The following PTPRG variants were observed in gnomAD, a reference collection of about 807,000 sequenced individuals.
PTPRG encodes receptor-type tyrosine-protein phosphatase gamma.
A neutral mutation model predicts 165.3 loss-of-function variants in PTPRG; 102 were observed. The observed-to-expected ratio is 0.62, with a 90% confidence interval of 0.53 to 0.73. PTPRG has a LOEUF of 0.73. Among genes scored for constraint, PTPRG ranks in the 30% least tolerant of loss-of-function variants. PTPRG has a pLI of 0.00. For synonymous variants in PTPRG, 675 were observed against 669.5 expected, an observed-to-expected ratio of 1.01 and a Z score of -0.13; for missense variants, 1,866 against 1,861.4, an observed-to-expected ratio of 1.00 and a Z score of -0.05.
At chr3:61,672,822 A>C (rs1440843944) in intron 1 of PTPRG, among the ~76,000 whole-genome samples, 1 of 142,316 alleles carries the variant, frequency 7.0e-6, no homozygotes, top group Non-Finnish European at 1.5e-5. Flanking sequence ...GGAGAGAGAG[A>C]GGGAGAGGGA....
Position 61,894,294 on chromosome 3 carries a change from T to A in PTPRG, c.191-95331T>A, listed in dbSNP as rs1328323521. On this transcript the variant is annotated intron_variant, in intron 2 of 29. Coordinates refer to ENST00000474889, the MANE Select transcript of PTPRG (RefSeq NM_002841.4). ...TCCAGCCCGGGCAACAGAGCAAGAC[T>A]CTGTGTCAAAAAAAAAAAAAAAAAA... Among the ~76,000 whole-genome samples, 20 of 80,006 alleles carry A rather than the reference T, an allele frequency of 2.5e-4. No individual in the cohort carries two copies. In the East Asian group the frequency reaches 7.4e-3, roughly 30 times the overall value. The allele number at this position is 80,006 out of a possible 152,430, so 52.5% of individuals were successfully genotyped here.
Position 62,224,774 on chromosome 3 carries a change from A to G in PTPRG, c.2288+5791A>G, listed in dbSNP as rs1281952426. Among the ~76,000 whole-genome samples, 3 of 152,158 alleles carry G rather than the reference A, an allele frequency of 2.0e-5. No individual in the cohort carries two copies. Among genetic ancestry groups the G allele is most frequent in the Admixed American group, 2.0e-4 (3 of 15,274 alleles). On this transcript the variant is annotated intron_variant, in intron 13 of 29. Coordinates refer to ENST00000474889, the MANE Select transcript of PTPRG (RefSeq NM_002841.4). The surrounding 1 kb of genome is among the most constrained non-coding windows in gnomAD (Gnocchi z 4.9). ...GAGCAGTGTTTTTATAGGCAGCAAC[A>G]TGGATCTGTGGGGAGACATTTATTC...
chr3:62,096,855 G>T (rs1273402310), intron 5 of PTPRG, among the ~76,000 whole-genome samples: 1 of 152,146 alleles, frequency 6.6e-6, no homozygotes, highest in African/African-American at 2.4e-5. Flanking sequence ...GCTGCATTGG[G>T]CTTTAATGCC....
At chr3:61,586,522 T>G (rs1700439240) in intron 1 of PTPRG, among the ~76,000 whole-genome samples, 1 of 152,206 alleles carries the variant, frequency 6.6e-6, no homozygotes, top group African/African-American at 2.4e-5. Flanking sequence ...GTTCCTTCTG[T>G]TCGTTTGCAC....
At chr3:62,006,198 T>C (rs1438423254) in intron 4 of PTPRG, among the ~76,000 whole-genome samples, 1 of 152,204 alleles carries the variant, frequency 6.6e-6, no homozygotes, top group African/African-American at 2.4e-5. Context: ...CAATTGGGTT[T>C]CTCATTGAGG....
chr3:61,763,770 A>T (rs192550473), intron 2 of PTPRG, among the ~76,000 whole-genome samples: 1 of 152,340 alleles, frequency 6.6e-6, no homozygotes, highest in Admixed American at 6.5e-5. Flanking sequence ...ATTTGATTTC[A>T]AAAGCCTGAC....
intron 7 of PTPRG, among the ~76,000 whole-genome samples, chr3:62,162,350 A>C (rs1331747887): frequency 6.6e-6 from 1 of 152,256 alleles, no homozygotes; most frequent in African/African-American, 2.4e-5. Flanking sequence ...GGGATAAAAG[A>C]AAGAAATGTT....
chr3:61,830,566 GTTTTTTT>G (rs57644199), intron 2 of PTPRG, among the ~76,000 whole-genome samples: 35 of 86,530 alleles, frequency 4.0e-4, no homozygotes, highest in Admixed American at 2.5e-3. Flanking sequence ...TTTTGTTTTT[GTTTTTTT>G]TTTTTTTTTT....
intron 1 of PTPRG, among the ~76,000 whole-genome samples, chr3:61,747,713 GA>G (rs2033264882): frequency 6.6e-6 from 1 of 152,012 alleles, no homozygotes; most frequent in African/African-American, 2.4e-5. Flanking sequence ...GACTAATTTG[GA>G]ATACAGAATG....
Position 62,003,473 on chromosome 3 carries a change from C to A in PTPRG, c.495C>A (p.Ile165=). 1 of 1,613,966 alleles carries A rather than the reference C, an allele frequency of 6.2e-7. No homozygotes were observed. The highest frequency in any genetic ancestry group is 8.5e-7 in the Non-Finnish European group (1 of 1,179,928). Residue 165 remains isoleucine, a synonymous_variant, in exon 4 of 30, where the codon ATC becomes ATA. Coordinates refer to ENST00000474889, the MANE Select transcript of PTPRG (RefSeq NM_002841.4). The part of the protein sequence containing the change: ...SNGSAGSEHS[I]NGRRFPVEMQ... ...GCTCAGCGGGCTCTGAACACAGCATCAATGGCAGGAGGTTTCCTGTTGAGG... is the reference window on the plus strand; with the variant it reads ...GCTCAGCGGGCTCTGAACACAGCATAAATGGCAGGAGGTTTCCTGTTGAGG...
intron 2 of PTPRG, among the ~76,000 whole-genome samples, chr3:61,982,677 T>C (rs533248031): frequency 6.6e-6 from 1 of 152,104 alleles, no homozygotes; most frequent in East Asian, 1.9e-4. Context: ...TTTACTCTTT[T>C]TAATACCCTC....
chr3:61,744,659 G>A (rs748326147), intron 1 of PTPRG, among the ~76,000 whole-genome samples: 61 of 152,300 alleles, frequency 4.0e-4, no homozygotes, highest in Non-Finnish European at 6.6e-4. Context: ...AGGGGAGGGG[G>A]AGAGGTCACA....
At chr3:61,976,193 T>C (rs1488793326) in intron 2 of PTPRG, among the ~76,000 whole-genome samples, 1 of 152,220 alleles carries the variant, frequency 6.6e-6, no homozygotes, top group African/African-American at 2.4e-5. Context: ...GGATTCATAA[T>C]AGATTGAAAA....
intron 2 of PTPRG, among the ~76,000 whole-genome samples, chr3:61,918,866 A>G (rs1047729079): frequency 3.9e-5 from 6 of 152,150 alleles, no homozygotes; most frequent in South Asian, 2.1e-4. Flanking sequence ...TTTGTTTTAC[A>G]CTGTGAGTCA....
chr3:62,133,238 A>T (rs764287804), intron 6 of PTPRG, among the ~76,000 whole-genome samples: 5 of 152,238 alleles, frequency 3.3e-5, no homozygotes, highest in African/African-American at 7.2e-5. Flanking sequence ...TTTCCCTGCA[A>T]CTGTATTATC....
At chr3:61,870,213 A>G (rs2037526209) in intron 2 of PTPRG, among the ~76,000 whole-genome samples, 1 of 151,810 alleles carries the variant, frequency 6.6e-6, no homozygotes, top group Non-Finnish European at 1.5e-5. Flanking sequence ...ATAAAATATT[A>G]TGTTTCCTAG....
intron 1 of PTPRG, among the ~76,000 whole-genome samples, chr3:61,571,922 C>T (rs1231194997): frequency 1.3e-5 from 2 of 152,146 alleles, no homozygotes; most frequent in African/African-American, 4.8e-5. Flanking sequence ...TGGGCAAGAC[C>T]CTCAATTTCT....
intron 15 of PTPRG, among the ~76,000 whole-genome samples, chr3:62,253,422 T>A (rs1456869937): frequency 1.3e-5 from 2 of 152,206 alleles, no homozygotes; most frequent in African/African-American, 2.4e-5. Flanking sequence ...AGAGTGATTC[T>A]GTGGTTAGGT....
intron 17 of PTPRG, among the ~76,000 whole-genome samples, chr3:62,264,572 T>C (rs1274742318): frequency 6.6e-6 from 1 of 152,202 alleles, no homozygotes; most frequent in Non-Finnish European, 1.5e-5. Context: ...CTGGCTTCTT[T>C]AATTTAGCGC....
Sources: gnomAD v4.1 joint callset for allele counts (sites outside exome capture counted in the v4.1 genomes callset) on GRCh38, gnomAD v4.1.1 for gene constraint, Gnocchi (gnomAD v3.1) non-coding constraint, MANE v1.5 for transcripts, NCBI Gene and HGNC (gene_info 2026-07-23, HGNC 2026-07-21) for gene names.